Variants in JDP2 observed in about 807,000 individuals in gnomAD.
The protein encoded by JDP2 is Jun dimerization protein 2.
In JDP2, 9 loss-of-function variants were observed where a neutral mutation model predicts 17.1. That is an observed-to-expected ratio of 0.53 (90% CI 0.32 to 0.92). JDP2 has a LOEUF of 0.92. JDP2 is among the 40% of genes least tolerant of loss of function. The probability of loss-of-function intolerance (pLI) is 0.04; values close to 1 mark genes in which losing one functional copy is unlikely to be tolerated. For missense variants in JDP2, 179 were observed against 220.0 expected (o/e 0.81, Z 1.18); for synonymous variants, 107 against 95.6 (o/e 1.12, Z -0.69).
At chr14:75,432,159 C>T in intron 1 of JDP2, 1 of 650,980 alleles carries the variant, frequency 1.5e-6, no homozygotes, top group Middle Eastern at 2.9e-4. Flanking sequence ...TGCTGCTCGC[C>T]TTCACTCTCA....
chr14:75,464,389 A>C (rs940419497), intron 3 of JDP2, among the ~76,000 whole-genome samples: 5 of 152,226 alleles, frequency 3.3e-5, no homozygotes, highest in Non-Finnish European at 7.3e-5. Context: ...CCAACAGTAG[A>C]TCAAAAGTAT....
At chr14:75,427,108 C>A (rs1463826050), upstream of JDP2, 1 of 152,370 alleles carries the variant, frequency 6.6e-6, no homozygotes, top group Non-Finnish European at 1.5e-5. This position sits in a 1 kb window ranked among gnomAD's most constrained non-coding sequence, Gnocchi z 4.4. Flanking sequence ...GAGTCCCCTT[C>A]ACCATTTCCT....
intron 2 of JDP2, among the ~76,000 whole-genome samples, chr14:75,449,014 A>G (rs1885732665): frequency 6.6e-6 from 1 of 152,184 alleles, no homozygotes. Context: ...CCTGGCTGTG[A>G]ACGGTTTGGC....
At chr14:75,468,697 A>G (rs1886675913) in intron 3 of JDP2, among the ~76,000 whole-genome samples, 1 of 152,254 alleles carries the variant, frequency 6.6e-6, no homozygotes, top group Non-Finnish European at 1.5e-5. Context: ...CTTCCAGATT[A>G]TAGGGATAAG....
intron 2 of JDP2, among the ~76,000 whole-genome samples, chr14:75,455,571 A>G (rs1886065351): frequency 6.6e-6 from 1 of 152,118 alleles, no homozygotes; most frequent in Admixed American, 6.5e-5. Context: ...TACCAGCCTT[A>G]GAAAAGAATT....
At chr14:75,444,378 G>C (rs1483688481) in intron 2 of JDP2, among the ~76,000 whole-genome samples, 1 of 152,198 alleles carries the variant, frequency 6.6e-6, no homozygotes, top group Non-Finnish European at 1.5e-5. Context: ...ATTGACCTGA[G>C]GGTATTTTGT....
intron 2 of JDP2, among the ~76,000 whole-genome samples, chr14:75,454,719 AAAGAC>A (rs1232468800): frequency 2.6e-5 from 4 of 152,130 alleles, no homozygotes; most frequent in Admixed American, 1.3e-4. Flanking sequence ...GGTGGTCAGT[AAAGAC>A]GTCAAGAAGG....
intron 2 of JDP2, among the ~76,000 whole-genome samples, chr14:75,438,980 G>C (rs1162675607): frequency 6.6e-6 from 1 of 152,242 alleles, no homozygotes; most frequent in African/African-American, 2.4e-5. Context: ...GGAGGAGCCT[G>C]TGGTGGGAGG....
At chr14:75,448,623 C>T (rs887831666) in intron 2 of JDP2, among the ~76,000 whole-genome samples, 17 of 152,232 alleles carry the variant, frequency 1.1e-4, no homozygotes, top group African/African-American at 3.6e-4. Context: ...AATACCTTAG[C>T]GTTTCCAAAC....
intron 3 of JDP2, among the ~76,000 whole-genome samples, chr14:75,467,668 G>A (rs1253234859): frequency 6.6e-6 from 1 of 152,078 alleles, no homozygotes; most frequent in Non-Finnish European, 1.5e-5. Context: ...GTGAGCAGGG[G>A]GCTGACATTG....
At chr14:75,440,897 A>G (rs894569164) in intron 2 of JDP2, among the ~76,000 whole-genome samples, 28 of 152,218 alleles carry the variant, frequency 1.8e-4, no homozygotes, top group African/African-American at 6.8e-4. Context: ...GTCCAAGGTC[A>G]CTGGCTGGGA....
At chr14:75,462,393 A>G (rs1285500076) in intron 3 of JDP2, among the ~76,000 whole-genome samples, 1 of 152,240 alleles carries the variant, frequency 6.6e-6, no homozygotes, top group African/African-American at 2.4e-5. Context: ...GTAACTAACA[A>G]TAGTTGCCAC....
At chr14:75,450,595 C>T (rs536107098) in intron 2 of JDP2, among the ~76,000 whole-genome samples, 6 of 152,330 alleles carry the variant, frequency 3.9e-5, no homozygotes, top group East Asian at 1.9e-4. Flanking sequence ...TGAGTGAGCA[C>T]AGCGTCCAGT....
chr14:75,455,799 C>T (rs918686484), intron 2 of JDP2, among the ~76,000 whole-genome samples: 2 of 152,126 alleles, frequency 1.3e-5, no homozygotes, highest in African/African-American at 4.8e-5. Flanking sequence ...CTGTCCACCC[C>T]CTGTAAGTAG....
intron 2 of JDP2, among the ~76,000 whole-genome samples, chr14:75,457,067 C>T (rs991467689): frequency 6.6e-6 from 1 of 152,248 alleles, no homozygotes; most frequent in Non-Finnish European, 1.5e-5. Flanking sequence ...AAAGCATGCT[C>T]CCCTCCCACC....
chr14:75,454,106 C>T lies in JDP2; in HGVS notation c.202-7320C>T, dbSNP rs552670329. ...GTTTGTCACAGTGGAAATGCCGCGC[C>T]ACCTGCAGACGGGGCCTGAGAAACA... On this transcript the variant is annotated intron_variant, in intron 2 of 3. Coordinates refer to ENST00000651602, the MANE Select transcript of JDP2 (RefSeq NM_001135048.2). Among the ~76,000 whole-genome samples the T allele has an allele frequency of 5.9e-5, 9 of 152,266 alleles. No individual in the cohort carries two copies. The South Asian group carries it at 1.9e-3, about 32-fold the overall frequency.
In JDP2 at chr14:75,469,716, G is replaced by T. The variant is rs1886735717; in HGVS notation, c.*241G>T. 2.0e-6 allele frequency: 1 copy of T among 493,974 alleles called. No homozygotes were observed. Among genetic ancestry groups the T allele is most frequent in the African/African-American group, 2.0e-5 (1 of 51,246 alleles). The allele number at this position is 493,974 out of a possible 1,614,324, so 30.6% of individuals were successfully genotyped here. A position where few individuals can be genotyped will look rare whatever the true frequency, so the allele number is the denominator to read the frequency against. ...GAGACCAAAGTTGACCCTCGGGTAG[G>T]GTTGTCCTGCCTGGGGCCCCACTTG... On this transcript the variant is annotated 3_prime_UTR_variant, in exon 4 of 4. Transcript: ENST00000651602.
intron 1 of JDP2, among the ~76,000 whole-genome samples, chr14:75,435,774 C>T (rs572261367): frequency 1.3e-5 from 2 of 152,162 alleles, no homozygotes; most frequent in South Asian, 4.1e-4. Context: ...CCAGGGGACA[C>T]GGGGTGAAGG....
intron 3 of JDP2, among the ~76,000 whole-genome samples, chr14:75,464,445 C>T (rs1308910071): frequency 2.0e-5 from 3 of 152,118 alleles, no homozygotes; most frequent in African/African-American, 7.2e-5. Flanking sequence ...AACAATGCAG[C>T]ATAGCAGCTA....
Sources: gnomAD v4.1 joint callset for allele counts (sites outside exome capture counted in the v4.1 genomes callset) on GRCh38, gnomAD v4.1.1 for gene constraint, Gnocchi (gnomAD v3.1) non-coding constraint, MANE v1.5 for transcripts, NCBI Gene and HGNC (gene_info 2026-07-23, HGNC 2026-07-21) for gene names.